CNTN5: variants seen among roughly 807,000 people sequenced by gnomAD.
CNTN5 encodes contactin-5.
Under a neutral mutation model 129.1 loss-of-function variants are expected in CNTN5, and 77 were observed. The ratio of observed to expected loss-of-function variants is 0.60; its 90% CI spans 0.50 to 0.72. The LOEUF is 0.72. Ranked by LOEUF, CNTN5 falls within the 30% of genes least tolerant of loss-of-function variation. CNTN5 has a pLI of 0.00. For missense variants in CNTN5, 1,478 were observed against 1,328.8 expected, an observed-to-expected ratio of 1.11 and a Z score of -1.75; for synonymous variants, 509 against 465.6, an observed-to-expected ratio of 1.09 and a Z score of -1.20.
chr11:99,789,416 A>G (rs1405412522), intron 3 of CNTN5, among the ~76,000 whole-genome samples: 4 of 151,998 alleles, frequency 2.6e-5, no homozygotes, highest in African/African-American at 9.7e-5. Flanking sequence ...GAAATCAGAA[A>G]TTAAGTCTTT....
chr11:100,194,604 A>G (rs773900817), intron 15 of CNTN5, among the ~76,000 whole-genome samples: 3 of 129,618 alleles, frequency 2.3e-5, no homozygotes, highest in Non-Finnish European at 1.6e-5. Context: ...GGATACAAGG[A>G]AAAAAAAAAA....
chr11:99,042,362 C>CTTTTTT (rs1442841983), intron 1 of CNTN5, among the ~76,000 whole-genome samples: 22 of 120,740 alleles, frequency 1.8e-4, no homozygotes, highest in African/African-American at 6.8e-4. Flanking sequence ...CCTTCTTCTT[C>CTTTTTT]TTCTTTTTTT....
intron 2 of CNTN5, among the ~76,000 whole-genome samples, chr11:99,431,863 C>T (rs1434028576): frequency 6.6e-6 from 1 of 151,526 alleles, no homozygotes; most frequent in Admixed American, 6.6e-5. Flanking sequence ...AGAGGGAGGG[C>T]ATGGTCACTT....
intron 1 of CNTN5, among the ~76,000 whole-genome samples, chr11:99,129,085 A>G (rs1858801094): frequency 1.3e-5 from 2 of 152,198 alleles, no homozygotes; most frequent in African/African-American, 4.8e-5. Flanking sequence ...AGGCCACAGA[A>G]CGGGGATGAA....
At chr11:99,787,764 G>A (rs1945587932) in intron 3 of CNTN5, among the ~76,000 whole-genome samples, 1 of 151,936 alleles carries the variant, frequency 6.6e-6, no homozygotes, top group Non-Finnish European at 1.5e-5. Context: ...TCAGACATGT[G>A]CTATACATAT....
intron 3 of CNTN5, among the ~76,000 whole-genome samples, chr11:99,697,329 G>T (rs577365201): frequency 6.6e-6 from 1 of 151,732 alleles, no homozygotes; most frequent in African/African-American, 2.4e-5. Flanking sequence ...GAGAGAGAGA[G>T]AGAAACTTTA....
At chr11:99,418,221 C>A (rs1170674684) in intron 2 of CNTN5, among the ~76,000 whole-genome samples, 24 of 151,938 alleles carry the variant, frequency 1.6e-4, no homozygotes, top group Non-Finnish European at 2.4e-4. Flanking sequence ...AAATAAATTA[C>A]TTCTAGTTTT....
At chr11:99,978,008 A>G (rs911395731) in intron 8 of CNTN5, among the ~76,000 whole-genome samples, 3 of 152,234 alleles carry the variant, frequency 2.0e-5, no homozygotes, top group African/African-American at 7.2e-5. Context: ...TCAGTCAGTG[A>G]TGGACCACAT....
At chr11:99,928,116 A>C (rs895779332) in intron 7 of CNTN5, among the ~76,000 whole-genome samples, 2 of 152,204 alleles carry the variant, frequency 1.3e-5, no homozygotes, top group Non-Finnish European at 2.9e-5. Flanking sequence ...CTTTGACTAC[A>C]TGTCCAACAT....
At chr11:99,801,326 G>T (rs1946107421) in intron 3 of CNTN5, among the ~76,000 whole-genome samples, 1 of 152,100 alleles carries the variant, frequency 6.6e-6, no homozygotes, top group East Asian at 1.9e-4. Flanking sequence ...GGTCCTCTTT[G>T]TATGTAATCT....
At chr11:99,225,750 G>A (rs1187980762) in intron 1 of CNTN5, among the ~76,000 whole-genome samples, 3 of 152,022 alleles carry the variant, frequency 2.0e-5, no homozygotes, top group Admixed American at 2.0e-4. Flanking sequence ...TTATATACAT[G>A]GTTGAAAATA....
intron 3 of CNTN5, among the ~76,000 whole-genome samples, chr11:99,734,620 T>G (rs1943640519): frequency 6.6e-6 from 1 of 152,168 alleles, no homozygotes; most frequent in Non-Finnish European, 1.5e-5. Context: ...TAAAAGGCAT[T>G]GATTTTGTTT....
chr11:99,914,405 C>T (rs993872568), intron 6 of CNTN5, among the ~76,000 whole-genome samples: 2 of 151,912 alleles, frequency 1.3e-5, no homozygotes, highest in African/African-American at 4.8e-5. Flanking sequence ...GAGTTTAAAG[C>T]CATGATTTGC....
At chr11:99,726,980 C>A (rs114805720) in intron 3 of CNTN5, among the ~76,000 whole-genome samples, 2,087 of 152,186 alleles carry the variant, frequency 0.014, 46 homozygotes, top group African/African-American at 0.046. Context: ...TTTTGTTCTA[C>A]AATCAACATT....
intron 3 of CNTN5, among the ~76,000 whole-genome samples, chr11:99,806,955 T>C (rs1284739657): frequency 1.3e-5 from 2 of 152,154 alleles, no homozygotes; most frequent in East Asian, 3.9e-4. Flanking sequence ...AGCAAAACAC[T>C]ACGGTAAATG....
chr11:99,159,351 A>G (rs11218582), intron 1 of CNTN5, among the ~76,000 whole-genome samples: 16,401 of 152,268 alleles, frequency 0.11, 1,123 homozygotes, highest in East Asian at 0.35. Context: ...TGCCGGGTGC[A>G]GTGGCTCACG....
At chr11:99,196,700 T>C (rs1390799199) in intron 1 of CNTN5, among the ~76,000 whole-genome samples, 2 of 151,958 alleles carry the variant, frequency 1.3e-5, no homozygotes, top group Non-Finnish European at 1.5e-5. Context: ...TGCATCAATA[T>C]TGTATTGTTA....
At chr11:99,581,669 G>A (rs1292839821) in intron 3 of CNTN5, among the ~76,000 whole-genome samples, 1 of 151,714 alleles carries the variant, frequency 6.6e-6, no homozygotes, top group Non-Finnish European at 1.5e-5. Context: ...GCCTTTTTTT[G>A]TTTTCCATTT....
chr11:99,828,109 G>T (rs1345091088), intron 4 of CNTN5, among the ~76,000 whole-genome samples: 1 of 151,978 alleles, frequency 6.6e-6, no homozygotes, highest in Non-Finnish European at 1.5e-5. Context: ...ATTTGAAATA[G>T]AATAAAATAA....
Sources: allele counts gnomAD v4.1 joint callset (sites outside exome capture counted in the v4.1 genomes callset), GRCh38; gene constraint gnomAD v4.1.1; transcripts MANE v1.5; gene names NCBI Gene and HGNC (gene_info 2026-07-23, HGNC 2026-07-21).